Variants in PPM1L observed in about 807,000 individuals in gnomAD.
The protein encoded by PPM1L is protein phosphatase, Mg2+/Mn2+ dependent 1L.
PPM1L carries 13 observed loss-of-function variants against 31.4 expected under a neutral mutation model. That is an observed-to-expected ratio of 0.41 (90% CI 0.27 to 0.66). The LOEUF (loss-of-function observed/expected upper bound fraction) is 0.66, where lower values mean the gene tolerates loss of function less well. PPM1L is among the 30% of genes least tolerant of loss of function. PPM1L has a pLI of 0.29. For missense variants in PPM1L, 326 were observed against 453.7 expected, an observed-to-expected ratio of 0.72 and a Z score of 2.56; for synonymous variants, 184 against 175.4, an observed-to-expected ratio of 1.05 and a Z score of -0.39.
chr3:161,038,721 T>C (rs184229518), intron 2 of PPM1L, among the ~76,000 whole-genome samples: 96 of 152,162 alleles, frequency 6.3e-4, no homozygotes, highest in African/African-American at 2.1e-3. Flanking sequence ...CTGAAAATCA[T>C]GTGAACATTC....
At chr3:161,006,835 A>G (rs1717727302) in intron 2 of PPM1L, among the ~76,000 whole-genome samples, 1 of 151,896 alleles carries the variant, frequency 6.6e-6, no homozygotes, top group African/African-American at 2.4e-5. Flanking sequence ...GGCACCCGCC[A>G]CCACGCCCAG....
intron 1 of PPM1L, among the ~76,000 whole-genome samples, chr3:160,806,359 C>T (rs1031989700): frequency 1.3e-5 from 2 of 152,108 alleles, no homozygotes; most frequent in African/African-American, 4.8e-5. Context: ...GTAAAGATGC[C>T]CCCCTGCAGA....
chr3:160,974,715 G>A (rs1426288533), intron 2 of PPM1L, among the ~76,000 whole-genome samples: 3 of 146,962 alleles, frequency 2.0e-5, no homozygotes, highest in Non-Finnish European at 4.5e-5. Flanking sequence ...TTTTTGATGG[G>A]GTTGTTTGTT....
rs1481642900 is a variant in PPM1L, at chr3:160,956,215, C to G, written c.400-5521C>G. 2.0e-5 allele frequency among the ~76,000 whole-genome samples: 3 copies of G among 152,116 alleles called. 1 individual carries two copies. The highest frequency in any genetic ancestry group is 7.2e-5 in the African/African-American group (3 of 41,418). On this transcript the variant is annotated intron_variant, in intron 1 of 3. Transcript: ENST00000498165. ...GGAGTTTACTGTAACCCTTTAATGT[C>G]TTCCAGACTAACGCTAGAATGGGTA... is the stretch of plus-strand genomic sequence containing the variant.
chr3:160,806,199 C>T lies in PPM1L; in HGVS notation c.399+49492C>T, dbSNP rs1022117148. Among the ~76,000 whole-genome samples the T allele has an allele frequency of 8.5e-5, 13 of 152,316 alleles. No individual in the cohort carries two copies. In the East Asian group the frequency reaches 2.5e-3, roughly 29 times the overall value. Reference sequence around the variant, plus strand: ...AGAGATCCAAGGTAGGGGCTGTGCTCTCTAGCCTCTGGACCTTTGCACATT... The same window carrying T: ...AGAGATCCAAGGTAGGGGCTGTGCTTTCTAGCCTCTGGACCTTTGCACATT... On this transcript the variant is annotated intron_variant, in intron 1 of 3. Coordinates refer to ENST00000498165, the MANE Select transcript of PPM1L (RefSeq NM_139245.4).
intron 1 of PPM1L, among the ~76,000 whole-genome samples, chr3:160,910,611 G>A (rs1214940177): frequency 3.9e-5 from 6 of 152,042 alleles, no homozygotes; most frequent in South Asian, 2.1e-4. Context: ...GCGCCTGGCC[G>A]GAGCCTGAAA....
intron 1 of PPM1L, among the ~76,000 whole-genome samples, chr3:160,892,688 C>A (rs377083331): frequency 6.6e-6 from 1 of 151,866 alleles, no homozygotes; most frequent in East Asian, 1.9e-4. Context: ...AAAAGAAATA[C>A]GTTATTTGGC....
intron 1 of PPM1L, among the ~76,000 whole-genome samples, chr3:160,861,760 G>A (rs1711898924): frequency 6.6e-6 from 1 of 152,198 alleles, no homozygotes; most frequent in East Asian, 1.9e-4. Flanking sequence ...ACTAACCAAG[G>A]TGTCAGCAGA....
At chr3:160,898,098 A>T (rs759280364) in intron 1 of PPM1L, among the ~76,000 whole-genome samples, 22 of 152,284 alleles carry the variant, frequency 1.4e-4, no homozygotes, top group Admixed American at 5.2e-4. Flanking sequence ...AGTAAAAAGG[A>T]CCTCCAGTAA....
intron 1 of PPM1L, among the ~76,000 whole-genome samples, chr3:160,951,091 A>C (rs1349678815): frequency 6.6e-6 from 1 of 152,242 alleles, no homozygotes; most frequent in East Asian, 1.9e-4. Flanking sequence ...CTGTAACTGC[A>C]GAAAAGACAG....
chr3:160,951,018 A>T (rs1377023249), intron 1 of PPM1L, among the ~76,000 whole-genome samples: 2 of 152,260 alleles, frequency 1.3e-5, no homozygotes, highest in African/African-American at 2.4e-5. Context: ...CTCTGTAAAC[A>T]AATATTACTT....
At chr3:160,956,170 AC>A (rs1715769383) in intron 1 of PPM1L, among the ~76,000 whole-genome samples, 1 of 152,174 alleles carries the variant, frequency 6.6e-6, no homozygotes, top group African/African-American at 2.4e-5. Context: ...TATCCTTCTT[AC>A]CCACTGAGTT....
chr3:161,042,791 C>A (rs915900277), intron 2 of PPM1L, among the ~76,000 whole-genome samples: 2 of 151,992 alleles, frequency 1.3e-5, no homozygotes, highest in African/African-American at 4.8e-5. Flanking sequence ...GAGGCTGAGG[C>A]GGGTGAATCA....
At chr3:160,874,319 G>T (rs922797300) in intron 1 of PPM1L, among the ~76,000 whole-genome samples, 2 of 152,232 alleles carry the variant, frequency 1.3e-5, no homozygotes, top group Non-Finnish European at 2.9e-5. Context: ...TGAGAAAGGT[G>T]TGTTAACCAG....
chr3:160,895,732 C>T (rs1713314943), intron 1 of PPM1L, among the ~76,000 whole-genome samples: 1 of 152,036 alleles, frequency 6.6e-6, no homozygotes, highest in African/African-American at 2.4e-5. Context: ...CTCAAACCCC[C>T]AATATCTGTT....
intron 1 of PPM1L, among the ~76,000 whole-genome samples, chr3:160,862,082 G>A (rs770059310): frequency 5.3e-5 from 8 of 152,242 alleles, no homozygotes; most frequent in East Asian, 3.9e-4. Context: ...GGACTAGGGC[G>A]TGGACATATT....
rs368533764 is a variant in PPM1L, at chr3:160,807,154, T to A, written c.399+50447T>A. 1.2e-3 allele frequency among the ~76,000 whole-genome samples: 186 copies of A among 152,290 alleles called. 2 individuals are homozygous for A. Among genetic ancestry groups the A allele is most frequent in the African/African-American group, 4.3e-3 (179 of 41,552 alleles). On this transcript the variant is annotated intron_variant, in intron 1 of 3. Coordinates refer to ENST00000498165, the MANE Select transcript of PPM1L (RefSeq NM_139245.4). ...TGTAAAGAAAAGCAATTTCCCCTGA[T>A]TTGGTTTGAGATTAAAACATTTGGT...
chr3:160,903,042 G>T (rs976569954), intron 1 of PPM1L, among the ~76,000 whole-genome samples: 2 of 152,108 alleles, frequency 1.3e-5, no homozygotes, highest in African/African-American at 4.8e-5. Flanking sequence ...TCTTTAAAAA[G>T]GTGGATAGTA....
At chr3:160,771,543 C>CTT (rs745978148) in intron 1 of PPM1L, among the ~76,000 whole-genome samples, 27,202 of 77,202 alleles carry the variant, frequency 0.35, 5,935 homozygotes, top group East Asian at 0.55. Flanking sequence ...AAGGCTGGCT[C>CTT]TTTTTTTTTT....
Sources: gnomAD v4.1 joint callset for allele counts (sites outside exome capture counted in the v4.1 genomes callset) on GRCh38, gnomAD v4.1.1 for gene constraint, MANE v1.5 for transcripts, NCBI Gene and HGNC (gene_info 2026-07-23, HGNC 2026-07-21) for gene names.